Variants in RGS6 observed in about 807,000 individuals in gnomAD.
RGS6 encodes regulator of G-protein signaling 6.
Under a neutral mutation model 78.5 loss-of-function variants are expected in RGS6, and 30 were observed. That is an observed-to-expected ratio of 0.38 (90% CI 0.29 to 0.52). The LOEUF (loss-of-function observed/expected upper bound fraction) is 0.52, where lower values mean the gene tolerates loss of function less well. Ranked by LOEUF, RGS6 falls within the 20% of genes least tolerant of loss-of-function variation. The pLI is 0.85. For missense variants in RGS6, 495 were observed against 609.7 expected, an observed-to-expected ratio of 0.81 and a Z score of 1.98; for synonymous variants, 206 against 206.0, an observed-to-expected ratio of 1.00 and a Z score of 0.00.
chr14:71,967,444 T>C (rs2093591371), intron 2 of RGS6, among the ~76,000 whole-genome samples: 1 of 152,170 alleles, frequency 6.6e-6, no homozygotes. Context: ...ACTTACTTGC[T>C]GTAGGACATT....
intron 2 of RGS6, among the ~76,000 whole-genome samples, chr14:72,154,450 A>C (rs892126779): frequency 5.3e-5 from 8 of 152,236 alleles, no homozygotes; most frequent in Non-Finnish European, 1.0e-4. Flanking sequence ...GTCCATATTA[A>C]AATGAAATCT....
chr14:72,090,741 C>T (rs1246058029), intron 2 of RGS6, among the ~76,000 whole-genome samples: 2 of 152,120 alleles, frequency 1.3e-5, no homozygotes, highest in Non-Finnish European at 2.9e-5. Context: ...GGACAGTTGC[C>T]ACAAAGCTCC....
chr14:72,104,985 A>G (rs140265540), intron 2 of RGS6, among the ~76,000 whole-genome samples: 65 of 152,336 alleles, frequency 4.3e-4, no homozygotes, highest in African/African-American at 1.4e-3. Flanking sequence ...TCAGTCGAAA[A>G]CATGTTTCTG....
intron 2 of RGS6, among the ~76,000 whole-genome samples, chr14:72,148,511 G>T (rs1395220373): frequency 6.6e-6 from 1 of 152,222 alleles, no homozygotes; most frequent in African/African-American, 2.4e-5. Context: ...AGTGCCTTTG[G>T]AGAGGAGTGG....
At chr14:72,223,988 G>A (rs990909194) in intron 2 of RGS6, among the ~76,000 whole-genome samples, 1 of 152,142 alleles carries the variant, frequency 6.6e-6, no homozygotes, top group Admixed American at 6.5e-5. Context: ...AAACAAATTA[G>A]GTATAGCAAA....
At chr14:72,056,601 A>G (rs2153426263) in intron 2 of RGS6, among the ~76,000 whole-genome samples, 1 of 152,350 alleles carries the variant, frequency 6.6e-6, no homozygotes, top group Admixed American at 6.5e-5. Flanking sequence ...CTTAGTAATT[A>G]TTTCTAAACT....
chr14:72,012,417 A>G (rs558924739), intron 2 of RGS6, among the ~76,000 whole-genome samples: 4 of 152,150 alleles, frequency 2.6e-5, no homozygotes, highest in Non-Finnish European at 5.9e-5. Context: ...TGTCATGAAC[A>G]TTTCCTTAGA....
At chr14:72,597,772 T>C in the RGS6 span, among the ~76,000 whole-genome samples, 6 of 152,160 alleles carry the variant, frequency 3.9e-5, no homozygotes, top group African/African-American at 1.4e-4. Flanking sequence ...TTTCCTGGAC[T>C]TGGGTGCCGT....
intron 2 of RGS6, among the ~76,000 whole-genome samples, chr14:72,016,776 T>G (rs2087094457): frequency 6.6e-6 from 1 of 152,244 alleles, no homozygotes; most frequent in Admixed American, 6.5e-5. Flanking sequence ...TTTGGAATTT[T>G]TTTTGGCTAT....
chr14:72,298,832 C>G (rs1414405202), intron 2 of RGS6, among the ~76,000 whole-genome samples: 1 of 152,174 alleles, frequency 6.6e-6, no homozygotes, highest in Non-Finnish European at 1.5e-5. Context: ...CTCTGTTTCT[C>G]AGAGAATTTG....
At chr14:71,972,937 T>C (rs761194970) in intron 2 of RGS6, among the ~76,000 whole-genome samples, 1 of 152,110 alleles carries the variant, frequency 6.6e-6, no homozygotes, top group Non-Finnish European at 1.5e-5. Flanking sequence ...TTGAAGCAAA[T>C]AGCTGTAGAA....
At chr14:71,934,094 CTTAA>C (rs759334237) in intron 1 of RGS6, among the ~76,000 whole-genome samples, 1 of 152,098 alleles carries the variant, frequency 6.6e-6, no homozygotes, top group South Asian at 2.1e-4. Context: ...ATTCTTTATT[CTTAA>C]TTTATCACTT....
chr14:71,924,179 G>A, the RGS6 span, among the ~76,000 whole-genome samples: 83 of 151,878 alleles, frequency 5.5e-4, no homozygotes, highest in African/African-American at 1.9e-3. Flanking sequence ...CCAGTAGCTG[G>A]GACTACAGGC....
the RGS6 span, among the ~76,000 whole-genome samples, chr14:71,908,949 A>G: frequency 3.3e-5 from 5 of 152,322 alleles, no homozygotes; most frequent in Non-Finnish European, 1.5e-5. Flanking sequence ...ATGGCCATAC[A>G]GAACATCTCC....
At chr14:72,122,069 G>T (rs996273180) in intron 2 of RGS6, among the ~76,000 whole-genome samples, 1 of 152,120 alleles carries the variant, frequency 6.6e-6, no homozygotes, top group Non-Finnish European at 1.5e-5. Flanking sequence ...TGCCAAGATC[G>T]AGAAGCCCTT....
chr14:72,332,159 A>G (rs1477948106), intron 2 of RGS6, among the ~76,000 whole-genome samples: 1 of 152,328 alleles, frequency 6.6e-6, no homozygotes, highest in East Asian at 1.9e-4. Context: ...ACCGTCTGAC[A>G]GACACGGTGG....
chr14:71,960,165 A>G (rs1426504088), intron 1 of RGS6, among the ~76,000 whole-genome samples: 2 of 152,212 alleles, frequency 1.3e-5, no homozygotes, highest in East Asian at 1.9e-4. Flanking sequence ...TGCAGGCACA[A>G]TCCTGACTTT....
the RGS6 span, among the ~76,000 whole-genome samples, chr14:72,585,727 G>A: frequency 0.12 from 18,533 of 152,218 alleles, 3,340 homozygotes; most frequent in African/African-American, 0.39. Flanking sequence ...TGGGTAGCAC[G>A]TCAAAACCTC....
At chr14:72,060,075 C>T (rs190998470) in intron 2 of RGS6, among the ~76,000 whole-genome samples, 22 of 152,232 alleles carry the variant, frequency 1.4e-4, no homozygotes, top group Admixed American at 9.2e-4. Flanking sequence ...CATCGGGGTT[C>T]GTCTCTACCT....
Sources: allele counts gnomAD v4.1 joint callset (sites outside exome capture counted in the v4.1 genomes callset), GRCh38; gene constraint gnomAD v4.1.1; transcripts MANE v1.5; gene names NCBI Gene and HGNC (gene_info 2026-07-23, HGNC 2026-07-21).